Variants in IARS2 observed in about 807,000 individuals in gnomAD.
IARS2 encodes isoleucine--tRNA ligase, mitochondrial.
A neutral mutation model predicts 126.3 loss-of-function variants in IARS2; 56 were observed. The observed-to-expected ratio is 0.44, with a 90% confidence interval of 0.36 to 0.55. IARS2 has a LOEUF of 0.55. Among genes scored for constraint, IARS2 ranks in the 20% least tolerant of loss-of-function variants. IARS2 has a pLI of 0.00. For synonymous variants in IARS2, 407 were observed against 441.1 expected (o/e 0.92, Z 0.97); for missense variants, 1,127 against 1,245.9 (o/e 0.90, Z 1.44).
chr1:220,136,797 T>C lies in IARS2; in HGVS notation c.1947-12T>C, dbSNP rs1657386591. 2 of 1,376,570 alleles carry C rather than the reference T, an allele frequency of 1.5e-6. No individual in the cohort carries two copies. Among genetic ancestry groups the C allele is most frequent in the Admixed American group, 1.9e-5 (1 of 53,604 alleles). The allele number at this position is 1,376,570 out of a possible 1,614,324, so 85.3% of individuals were successfully genotyped here. On this transcript the variant is annotated splice_polypyrimidine_tract_variant and intron_variant, in intron 15 of 22. Coordinates refer to ENST00000366922, the MANE Select transcript of IARS2 (RefSeq NM_018060.4). ...TGTGTTTATCATTAAAATAGCTGAT[T>C]TGTCCCTTTAGGACAGTGATTGTTC...
chr1:220,100,413 A>G, intron 2 of IARS2, 77 bp from the exon 3 acceptor site: 1 of 1,229,770 alleles, frequency 8.1e-7, no homozygotes, highest in Non-Finnish European at 1.1e-6. Context: ...GCTAATTATC[A>G]TTTTATCTTT....
rs1309601563 is a variant in IARS2 at position 220,103,450 on chromosome 1, T to C, written c.954T>C (p.Tyr318=). 2.6e-6 allele frequency: 4 copies of C among 1,563,924 alleles called. No individual in the cohort carries two copies. In the East Asian group the frequency reaches 9.0e-5, roughly 35 times the overall value. Residue 318 remains tyrosine (Y), a synonymous_variant, in exon 8 of 23, where the codon TAT becomes TAC. Coordinates refer to ENST00000366922, the MANE Select transcript of IARS2 (RefSeq NM_018060.4). ...EAVCYMPESK[Y]AVVKCSKSGD... ...TTCTCCTAAAATTTTATGTTAGGTA[T>C]GCTGTTGTGAAATGTTCTAAGTCTG... is the stretch of plus-strand genomic sequence containing the variant.
chr1:220,122,207 AGTCTT>A (rs1657065074), intron 12 of IARS2, among the ~76,000 whole-genome samples: 1 of 152,236 alleles, frequency 6.6e-6, no homozygotes, highest in South Asian at 2.1e-4. Context: ...ATTTTCGCCT[AGTCTT>A]CGTCACTTTT....
intron 12 of IARS2, 98 bp downstream of exon 12, chr1:220,114,572 G>T: frequency 1.1e-6 from 1 of 874,448 alleles, no homozygotes; most frequent in South Asian, 1.9e-5. Flanking sequence ...GTTTATATAT[G>T]TTAAATAAAA....
intron 12 of IARS2, among the ~76,000 whole-genome samples, chr1:220,115,670 C>T (rs1365024933): frequency 6.6e-6 from 1 of 152,090 alleles, no homozygotes; most frequent in Non-Finnish European, 1.5e-5. Flanking sequence ...TTATCCCGAA[C>T]AGCTCCCTTT....
intron 1 of IARS2, among the ~76,000 whole-genome samples, chr1:220,095,560 C>T (rs1252323049): frequency 6.6e-6 from 1 of 152,190 alleles, no homozygotes; most frequent in East Asian, 1.9e-4. Context: ...AATCTTCACA[C>T]CAGCCCTGTA....
At chr1:220,125,362 C>A in intron 13 of IARS2, 23 bp downstream of exon 13, 3 of 1,455,154 alleles carry the variant, frequency 2.1e-6, no homozygotes, top group South Asian at 1.1e-5. Context: ...TTGTATTTAA[C>A]AGCCTTTGTA....
At chr1:220,114,534 T>C (rs1258056399) in intron 12 of IARS2, 60 bp downstream of exon 12, 1 of 1,294,464 alleles carries the variant, frequency 7.7e-7, no homozygotes, top group East Asian at 2.3e-5. Flanking sequence ...CTTCAAAAAT[T>C]GAAAAATAAT....
chr1:220,103,587 A>G (rs761468302), intron 8 of IARS2, 25 bp downstream of exon 8: 55 of 1,404,550 alleles, frequency 3.9e-5, no homozygotes, highest in Non-Finnish European at 5.4e-5. Context: ...ATATCTGACA[A>G]CATAGTCATC....
At position 220,102,563 on chromosome 1, in the gene IARS2, T is replaced by G; in HGVS notation, c.818T>G (p.Phe273Cys). The change falls in exon 6 of 23, where the codon TTT becomes TGT. Residue 273 changes from phenylalanine to cysteine, a missense_variant. Transcript: ENST00000366922. ...GTCAGTCGTTCAATATATGTAAAAT[T>G]TCCTCTCTTAAAGCCTTCTCCAAAA... ...EHVSRSIYVKFPLLKPSPKLA... is the reference protein window; with the variant it reads ...EHVSRSIYVKCPLLKPSPKLA... 1 of 1,613,978 alleles carries G rather than the reference T, an allele frequency of 6.2e-7. No homozygotes were observed. The highest frequency in any genetic ancestry group is 8.5e-7 in the Non-Finnish European group (1 of 1,179,924).
rs1489647813 is a variant in IARS2 at position 220,094,259 on chromosome 1, C to T, written c.43C>T (p.Leu15=). 1.9e-6 allele frequency: 3 copies of T among 1,605,968 alleles called. No individual in the cohort carries two copies. Among genetic ancestry groups the T allele is most frequent in the Non-Finnish European group, 1.7e-6 (2 of 1,176,448 alleles). Residue 15 remains leucine, a synonymous_variant, in exon 1 of 23, where the codon CTG becomes TTG. Coordinates refer to ENST00000366922, the MANE Select transcript of IARS2 (RefSeq NM_018060.4). ...LRPRGPGAAA[L]ATARSLWGTP... ...CCCTCGCGGGCCGGGCGCGGCCGCCCTGGCCACTGCCCGAAGTTTGTGGGG... is the reference window on the plus strand; with the variant it reads ...CCCTCGCGGGCCGGGCGCGGCCGCCTTGGCCACTGCCCGAAGTTTGTGGGG...
At chr1:220,121,933 G>A (rs543416533) in intron 12 of IARS2, among the ~76,000 whole-genome samples, 2 of 152,066 alleles carry the variant, frequency 1.3e-5, no homozygotes, top group East Asian at 3.9e-4. Context: ...TCTCTAGAGG[G>A]GGGGAAAGAA....
chr1:220,124,678 G>A (rs981331653), intron 12 of IARS2, among the ~76,000 whole-genome samples: 7 of 152,204 alleles, frequency 4.6e-5, no homozygotes, highest in Admixed American at 1.3e-4. Context: ...CTCTAATATG[G>A]CATTGCATCT....
At chr1:220,124,238 A>G (rs1230441647) in intron 12 of IARS2, among the ~76,000 whole-genome samples, 3 of 152,232 alleles carry the variant, frequency 2.0e-5, no homozygotes, top group Non-Finnish European at 4.4e-5. Context: ...GTGAGAAACT[A>G]TAGTATGAAT....
chr1:220,134,755 C>G (rs59361833), intron 15 of IARS2: 1 of 244,110 alleles, frequency 4.1e-6, no homozygotes, highest in South Asian at 1.7e-4. Context: ...TTATGTAGTT[C>G]TTTGTTGTTG....
intron 2 of IARS2, 90 bp downstream of exon 2, chr1:220,096,316 T>A: frequency 8.3e-6 from 7 of 842,424 alleles, no homozygotes; most frequent in Non-Finnish European, 1.2e-5. Flanking sequence ...GATAATTATG[T>A]AAATTTAGAT....
At chr1:220,129,251 G>A (rs949561718) in intron 14 of IARS2, among the ~76,000 whole-genome samples, 1 of 152,178 alleles carries the variant, frequency 6.6e-6, no homozygotes, top group African/African-American at 2.4e-5. Context: ...CATAATAATT[G>A]TACATATTAT....
intron 12 of IARS2, among the ~76,000 whole-genome samples, chr1:220,115,954 C>T (rs887673805): frequency 4.6e-5 from 7 of 152,180 alleles, no homozygotes; most frequent in Non-Finnish European, 1.0e-4. Flanking sequence ...GGCACAGTGG[C>T]TCATGCCTGT....
At chr1:220,137,795 C>CTAGT in intron 16 of IARS2, 123 bp from the exon 17 acceptor site, 1 of 979,750 alleles carries the variant, frequency 1.0e-6, no homozygotes, top group Non-Finnish European at 1.5e-6. Flanking sequence ...CATTACAGTG[C>CTAGT]TAGTATAGTT....
Sources: gnomAD v4.1 joint callset for allele counts (sites outside exome capture counted in the v4.1 genomes callset) on GRCh38, gnomAD v4.1.1 for gene constraint, MANE v1.5 for transcripts, NCBI Gene and HGNC (gene_info 2026-07-23, HGNC 2026-07-21) for gene names.